The following DPYD variants were observed in gnomAD, a reference collection of about 807,000 sequenced individuals.
DPYD encodes dihydropyrimidine dehydrogenase, also known as dihydropyrimidine dehydrogenase [NADP(+)].
Under a neutral mutation model 116.2 loss-of-function variants are expected in DPYD, and 109 were observed. The ratio of observed to expected loss-of-function variants is 0.94; its 90% CI spans 0.80 to 1.10. DPYD has a LOEUF of 1.10. Among genes scored for constraint, DPYD ranks in the 50% least tolerant of loss-of-function variants. The probability of loss-of-function intolerance (pLI) is 0.00; values close to 1 mark genes in which losing one functional copy is unlikely to be tolerated. For synonymous variants in DPYD, 440 were observed against 432.0 expected (o/e 1.02, Z -0.23); for missense variants, 1,302 against 1,254.5 (o/e 1.04, Z -0.57).
intron 5 of DPYD, among the ~76,000 whole-genome samples, chr1:97,717,949 T>C (rs1662705017): frequency 6.6e-6 from 1 of 151,998 alleles, no homozygotes; most frequent in African/African-American, 2.4e-5. Flanking sequence ...AGTATCTTTT[T>C]CATATAATGA....
In DPYD at chr1:97,093,659, G is replaced by A. The variant is rs1316159288; in HGVS notation, c.2766+4830C>T. 2.0e-5 allele frequency among the ~76,000 whole-genome samples: 3 copies of A among 152,214 alleles called. No homozygotes were observed. The East Asian group carries it at 5.8e-4, about 29-fold the overall frequency. ...CAATGCCATAGTTTGAACCTAGGCA[G>A]TGTGACAGAGTAGTCCCATGCCTAA... On this transcript the variant is annotated intron_variant, in intron 21 of 22. Transcript: ENST00000370192.
At chr1:97,246,595 A>T (rs1662733848) in intron 18 of DPYD, among the ~76,000 whole-genome samples, 1 of 152,164 alleles carries the variant, frequency 6.6e-6, no homozygotes, top group Non-Finnish European at 1.5e-5. Context: ...TTTATAAAAC[A>T]CGTTAACAGC....
chr1:97,727,815 T>C (rs1201385984), intron 4 of DPYD, among the ~76,000 whole-genome samples: 1 of 151,920 alleles, frequency 6.6e-6, no homozygotes, highest in African/African-American at 2.4e-5. Context: ...TCAAGATCAG[T>C]ATCAATTTAT....
chr1:97,793,994 G>A (rs985341399), intron 3 of DPYD, among the ~76,000 whole-genome samples: 1 of 152,180 alleles, frequency 6.6e-6, no homozygotes, highest in Non-Finnish European at 1.5e-5. Flanking sequence ...CTAGAGTGCT[G>A]TGGTGCAATC....
intron 8 of DPYD, among the ~76,000 whole-genome samples, chr1:97,601,523 C>T (rs951238249): frequency 6.6e-6 from 1 of 151,850 alleles, no homozygotes; most frequent in African/African-American, 2.4e-5. Context: ...CTGATTCAAG[C>T]CCAAGCAGTT....
At chr1:97,295,033 C>A (rs1482908856) in intron 18 of DPYD, among the ~76,000 whole-genome samples, 1 of 152,108 alleles carries the variant, frequency 6.6e-6, no homozygotes, top group Non-Finnish European at 1.5e-5. Flanking sequence ...AGATGTTAAT[C>A]TCTGATATTA....
At chr1:97,570,276 T>C (rs1297404531) in intron 11 of DPYD, among the ~76,000 whole-genome samples, 1 of 152,030 alleles carries the variant, frequency 6.6e-6, no homozygotes. Flanking sequence ...AGTATTTTCA[T>C]TTACAATATT....
chr1:97,526,390 AT>A (rs1247830147), intron 12 of DPYD, among the ~76,000 whole-genome samples: 6 of 151,612 alleles, frequency 4.0e-5, no homozygotes, highest in Non-Finnish European at 8.8e-5. Context: ...TAGACCAGTA[AT>A]TTTTTACTCT....
At chr1:97,200,766 C>T (rs1165735638) in intron 19 of DPYD, among the ~76,000 whole-genome samples, 1 of 152,140 alleles carries the variant, frequency 6.6e-6, no homozygotes, top group Non-Finnish European at 1.5e-5. Context: ...TTCCTCATTT[C>T]AGAGATCAGG....
chr1:97,665,714 T>C (rs189385655), intron 8 of DPYD, among the ~76,000 whole-genome samples: 19 of 152,346 alleles, frequency 1.2e-4, no homozygotes, highest in African/African-American at 4.6e-4. Flanking sequence ...ATACTTTTCC[T>C]ATGGTTTTTA....
intron 3 of DPYD, among the ~76,000 whole-genome samples, chr1:97,772,246 C>T (rs369321410): frequency 2.0e-4 from 31 of 152,136 alleles, no homozygotes; most frequent in East Asian, 1.2e-3. Flanking sequence ...TGAGTGTCCT[C>T]CATAGTCTTA....
At chr1:97,866,608 G>C (rs1378981660) in intron 2 of DPYD, among the ~76,000 whole-genome samples, 1 of 151,882 alleles carries the variant, frequency 6.6e-6, no homozygotes, top group Non-Finnish European at 1.5e-5. Flanking sequence ...CCTAGAGACG[G>C]AAAGAGGCAT....
chr1:97,519,136 A>T (rs1055885088), intron 12 of DPYD, among the ~76,000 whole-genome samples: 7 of 152,128 alleles, frequency 4.6e-5, no homozygotes, highest in Admixed American at 4.6e-4. Context: ...TTTAAAAGCC[A>T]TGTGTGTTAG....
At chr1:97,460,360 T>C (rs1312729805) in intron 13 of DPYD, among the ~76,000 whole-genome samples, 2 of 152,282 alleles carry the variant, frequency 1.3e-5, no homozygotes, top group Non-Finnish European at 2.9e-5. Flanking sequence ...GGATCCCTAA[T>C]CTACCACTGA....
chr1:97,790,697 C>G (rs970751141), intron 3 of DPYD, among the ~76,000 whole-genome samples: 4 of 152,122 alleles, frequency 2.6e-5, no homozygotes, highest in African/African-American at 7.2e-5. Flanking sequence ...ATCTCTTTTT[C>G]ACTCATCTTT....
chr1:97,643,380 A>G (rs1249941191), intron 8 of DPYD, among the ~76,000 whole-genome samples: 2 of 152,188 alleles, frequency 1.3e-5, no homozygotes, highest in Non-Finnish European at 2.9e-5. Context: ...CAAAATCACA[A>G]TGAGATACTA....
chr1:97,439,110 A>AT (rs776271229), intron 14 of DPYD, among the ~76,000 whole-genome samples: 4 of 151,218 alleles, frequency 2.6e-5, no homozygotes, highest in Admixed American at 1.3e-4. Flanking sequence ...ATTTCTTCAA[A>AT]TTTTTTTTTC....
intron 1 of DPYD, among the ~76,000 whole-genome samples, chr1:97,920,588 C>T (rs1239038334): frequency 1.3e-5 from 2 of 152,186 alleles, no homozygotes; most frequent in African/African-American, 4.8e-5. Context: ...CTTCTTCAGT[C>T]ACTGACATTC....
intron 20 of DPYD, among the ~76,000 whole-genome samples, chr1:97,145,727 G>T (rs960110229): frequency 6.9e-6 from 1 of 145,506 alleles, no homozygotes; most frequent in African/African-American, 2.5e-5. Context: ...ACAGAGTACA[G>T]AAAAGAATTG....
Sources: gnomAD v4.1 joint callset for allele counts (sites outside exome capture counted in the v4.1 genomes callset) on GRCh38, gnomAD v4.1.1 for gene constraint, MANE v1.5 for transcripts, NCBI Gene and HGNC (gene_info 2026-07-23, HGNC 2026-07-21) for gene names.